PHF20: variants seen among roughly 807,000 people sequenced by gnomAD.
The protein encoded by PHF20 is glioma-expressed antigen 2.
In PHF20, 23 loss-of-function variants were observed where a neutral mutation model predicts 113.5. That is an observed-to-expected ratio of 0.20 (90% confidence interval 0.15 to 0.29). PHF20 has a LOEUF of 0.29. PHF20 is among the 10% of genes least tolerant of loss of function. The probability of loss-of-function intolerance (pLI) is 1.00; values close to 1 mark genes in which losing one functional copy is unlikely to be tolerated. For synonymous variants in PHF20, 434 were observed against 457.3 expected (o/e 0.95, Z 0.65); for missense variants, 943 against 1,219.6 (o/e 0.77, Z 3.38).
At chr20:35,858,269 G>T in intron 4 of PHF20, 33 bp from the exon 5 acceptor site, 1 of 1,108,376 alleles carries the variant, frequency 9.0e-7, no homozygotes, top group Non-Finnish European at 1.4e-6. Context: ...ATGAAATTGT[G>T]AGTTAAAATC....
At chr20:35,807,091 G>A (rs1301005971) in intron 2 of PHF20, among the ~76,000 whole-genome samples, 4 of 152,002 alleles carry the variant, frequency 2.6e-5, no homozygotes, top group Admixed American at 6.6e-5. Context: ...CACTGCACCC[G>A]GTCAACCTTT....
intron 9 of PHF20, among the ~76,000 whole-genome samples, chr20:35,888,650 G>A (rs980977581): frequency 2.0e-5 from 3 of 152,118 alleles, no homozygotes; most frequent in African/African-American, 7.2e-5. Flanking sequence ...TGGGCATGGT[G>A]GCTCATGCCT....
intron 6 of PHF20, among the ~76,000 whole-genome samples, chr20:35,868,370 C>T (rs1191546435): frequency 4.6e-5 from 7 of 151,888 alleles, no homozygotes; most frequent in Non-Finnish European, 7.4e-5. Context: ...GAGGCTGAGG[C>T]GGGCAGATCA....
intron 2 of PHF20, 93 bp downstream of exon 2, chr20:35,801,698 T>G: frequency 1.3e-6 from 1 of 746,384 alleles, no homozygotes; most frequent in Non-Finnish European, 2.3e-6. Flanking sequence ...TTTGTGGTGT[T>G]TTTCTACTTC....
chr20:35,776,360 A>G (rs1462690924), intron 1 of PHF20, among the ~76,000 whole-genome samples: 1 of 152,144 alleles, frequency 6.6e-6, no homozygotes, highest in Non-Finnish European at 1.5e-5. Context: ...CCGACCTCGA[A>G]TGGAAGCTTC....
At chr20:35,806,987 G>C (rs1341544952) in intron 2 of PHF20, among the ~76,000 whole-genome samples, 1 of 151,846 alleles carries the variant, frequency 6.6e-6, no homozygotes, top group African/African-American at 2.4e-5. Context: ...AGCAGAGACG[G>C]AGTTTCACTG....
Position 35,818,941 on chromosome 20 carries a change from GTT to G in PHF20, c.83+17339_83+17340del, listed in dbSNP as rs532774941. 3.0e-4 allele frequency among the ~76,000 whole-genome samples: 45 copies of G among 151,348 alleles called. No individual in the cohort carries two copies. The South Asian group carries it at 7.5e-3, about 25-fold the overall frequency. ...GCCTTCCCTGTTTTTGTTTTGTTTT[GTT>G]TTGTTTTGAGACAGTCTTGCTCTGC... is the stretch of plus-strand genomic sequence containing the variant. On this transcript the variant is annotated intron_variant, in intron 2 of 17. Coordinates refer to ENST00000374012, the MANE Select transcript of PHF20 (RefSeq NM_016436.5).
At chr20:35,772,131 C>T (rs1262226405) in intron 1 of PHF20, 52 bp downstream of exon 1, 1 of 149,558 alleles carries the variant, frequency 6.7e-6, no homozygotes, top group Non-Finnish European at 1.5e-5. Flanking sequence ...TGGGCCGGGC[C>T]CGCGCTGCGC....
At chr20:35,786,101 C>T (rs900018368) in intron 1 of PHF20, among the ~76,000 whole-genome samples, 2 of 148,120 alleles carry the variant, frequency 1.4e-5, no homozygotes, top group African/African-American at 2.5e-5. Flanking sequence ...TAAAAAAAGA[C>T]TTCCCAGCTG....
intron 13 of PHF20, among the ~76,000 whole-genome samples, chr20:35,927,521 C>T (rs1242706017): frequency 6.6e-6 from 1 of 152,204 alleles, no homozygotes; most frequent in African/African-American, 2.4e-5. Context: ...TAAGATGTCA[C>T]TCGTGGGACT....
chr20:35,872,839 A>G (rs1198347506), intron 9 of PHF20, among the ~76,000 whole-genome samples: 1 of 152,198 alleles, frequency 6.6e-6, no homozygotes, highest in Non-Finnish European at 1.5e-5. Flanking sequence ...TGAATGTTTC[A>G]TATGCACTTG....
At chr20:35,915,431 G>A (rs1302299340) in intron 12 of PHF20, among the ~76,000 whole-genome samples, 2 of 151,872 alleles carry the variant, frequency 1.3e-5, no homozygotes, top group Non-Finnish European at 2.9e-5. Context: ...CTGTTGCCCA[G>A]GCTGGAGTGC....
intron 6 of PHF20, among the ~76,000 whole-genome samples, chr20:35,865,511 T>TTTTG (rs2054303360): frequency 1.5e-5 from 2 of 132,704 alleles, no homozygotes; most frequent in African/African-American, 5.6e-5. Flanking sequence ...TTTTTTTTTT[T>TTTTG]TTTTTTTTTT....
intron 9 of PHF20, among the ~76,000 whole-genome samples, chr20:35,898,074 C>T (rs2055023050): frequency 6.6e-6 from 1 of 152,100 alleles, no homozygotes; most frequent in East Asian, 1.9e-4. Context: ...TGGGGTTTCA[C>T]CATGTTGTCC....
chr20:35,816,743 C>T (rs563656112), intron 2 of PHF20, among the ~76,000 whole-genome samples: 3 of 151,912 alleles, frequency 2.0e-5, no homozygotes, highest in South Asian at 4.2e-4. Flanking sequence ...TGAGCCACTG[C>T]GCCCGGCCGA....
intron 4 of PHF20, 39 bp downstream of exon 4, chr20:35,847,473 T>G (rs1285779011): frequency 7.8e-7 from 1 of 1,283,126 alleles, no homozygotes; most frequent in Non-Finnish European, 1.1e-6. Context: ...ACTCATGACT[T>G]AGGTGGTGGG....
chr20:35,881,539 TA>T (rs373064389), intron 9 of PHF20, among the ~76,000 whole-genome samples: 6,254 of 109,340 alleles, frequency 0.057, 155 homozygotes, highest in African/African-American at 0.12. Context: ...AGACTCTGTC[TA>T]AAAAAAAAAA....
chr20:35,809,229 C>G (rs1262053610), intron 2 of PHF20, among the ~76,000 whole-genome samples: 2 of 150,760 alleles, frequency 1.3e-5, no homozygotes, highest in African/African-American at 4.9e-5. Flanking sequence ...GCCTGGGCGA[C>G]AGAGCAAAGC....
At chr20:35,868,338 A>G (rs1464717387) in intron 6 of PHF20, among the ~76,000 whole-genome samples, 8 of 146,410 alleles carry the variant, frequency 5.5e-5, no homozygotes, top group Admixed American at 2.0e-4. Context: ...GGTGGCTCAC[A>G]CCTGTAATCT....
Sources: gnomAD v4.1 joint callset for allele counts (sites outside exome capture counted in the v4.1 genomes callset) on GRCh38, gnomAD v4.1.1 for gene constraint, MANE v1.5 for transcripts, NCBI Gene and HGNC (gene_info 2026-07-23, HGNC 2026-07-21) for gene names.